Variants in SGF29 observed in about 807,000 individuals in gnomAD.
SGF29 encodes the protein SAGA-associated factor 29.
Under a neutral mutation model 38.1 loss-of-function variants are expected in SGF29, and 15 were observed. The ratio of observed to expected loss-of-function variants is 0.39; its 90% confidence interval spans 0.26 to 0.61. The LOEUF (loss-of-function observed/expected upper bound fraction) is 0.61, where lower values mean the gene tolerates loss of function less well. Among genes scored for constraint, SGF29 ranks in the 20% least tolerant of loss-of-function variants. SGF29 has a pLI of 0.49. For synonymous variants in SGF29, 151 were observed against 160.8 expected (o/e 0.94, Z 0.46); for missense variants, 184 against 394.6 (o/e 0.47, Z 4.52).
chr16:28,556,924 G>A (rs1596594136), intron 1 of SGF29, among the ~76,000 whole-genome samples: 1 of 152,038 alleles, frequency 6.6e-6, no homozygotes, highest in Non-Finnish European at 1.5e-5. Context: ...CTGGGATTAC[G>A]GTCATGAGCC....
At chr16:28,579,541 C>T (rs112047757) in intron 1 of SGF29, among the ~76,000 whole-genome samples, 48,606 of 151,096 alleles carry the variant, frequency 0.32, 8,630 homozygotes, top group Non-Finnish European at 0.38. Flanking sequence ...CAGGCATGAG[C>T]CACCACGCCC....
At chr16:28,591,526 G>C in intron 9 of SGF29, 64 bp from the exon 10 acceptor site, 1 of 1,132,264 alleles carries the variant, frequency 8.8e-7, no homozygotes, top group Admixed American at 1.7e-5. Context: ...TAGGCTGGGG[G>C]AAGGGGGTGC....
At chr16:28,576,253 G>A (rs1292907695) in intron 1 of SGF29, among the ~76,000 whole-genome samples, 1 of 152,110 alleles carries the variant, frequency 6.6e-6, no homozygotes, top group African/African-American at 2.4e-5. Context: ...GACACTGGGC[G>A]GGGAGGGTAG....
chr16:28,579,556 C>G (rs533830301), intron 1 of SGF29, among the ~76,000 whole-genome samples: 1 of 151,638 alleles, frequency 6.6e-6, no homozygotes, highest in Non-Finnish European at 1.5e-5. Context: ...ACGCCCGGCC[C>G]TAATTATCTT....
At chr16:28,565,995 C>T (rs1003880610) in intron 1 of SGF29, among the ~76,000 whole-genome samples, 17 of 150,042 alleles carry the variant, frequency 1.1e-4, no homozygotes, top group Admixed American at 6.0e-4. Context: ...TCTTGGGGGC[C>T]GGGCACGGTG....
At position 28,590,451 on chromosome 16, in the gene SGF29, C is replaced by A. The variant is rs1371085840; in HGVS notation, c.566+9C>A. The A allele has an allele frequency of 6.2e-7, 1 of 1,613,762 alleles. No individual in the cohort carries two copies. The highest frequency in any genetic ancestry group is 1.3e-5 in the African/African-American group (1 of 74,898). On this transcript the variant is annotated intron_variant, in intron 7 of 9. Coordinates refer to ENST00000317058, the MANE Select transcript of SGF29 (RefSeq NM_138414.3). This position sits in a 1 kb window ranked among gnomAD's most constrained non-coding sequence, Gnocchi z 8.2. Reference sequence around the variant, plus strand: ...AGCCATGCCACCAACAAGTGAGTGACACCAACCCTGGGGCTGCTCTCTGGT... The same window carrying A: ...AGCCATGCCACCAACAAGTGAGTGAAACCAACCCTGGGGCTGCTCTCTGGT...
intron 1 of SGF29, among the ~76,000 whole-genome samples, chr16:28,555,315 A>G (rs2046742993): frequency 6.6e-6 from 1 of 152,110 alleles, no homozygotes; most frequent in African/African-American, 2.4e-5. Context: ...AAAAAAAAAA[A>G]AAATTAAAAA....
intron 1 of SGF29, among the ~76,000 whole-genome samples, chr16:28,560,697 C>T (rs1452210784): frequency 1.3e-5 from 2 of 152,060 alleles, no homozygotes; most frequent in African/African-American, 4.8e-5. Flanking sequence ...CGCAGTGGCT[C>T]ACGCCGGTAA....
At chr16:28,573,519 AAGAGGAAC>A (rs534174403) in intron 1 of SGF29, among the ~76,000 whole-genome samples, 115 of 152,258 alleles carry the variant, frequency 7.6e-4, no homozygotes, top group Middle Eastern at 3.4e-3. Flanking sequence ...TTTTGCCGTG[AAGAGGAAC>A]AGAGGTGGGG....
chr16:28,557,945 T>C (rs1367643138), intron 1 of SGF29, among the ~76,000 whole-genome samples: 1 of 151,508 alleles, frequency 6.6e-6, no homozygotes, highest in Non-Finnish European at 1.5e-5. Flanking sequence ...GTCACCAGTA[T>C]TTTCTGTTTT....
Position 28,590,840 on chromosome 16 carries a change from C to A in SGF29, c.670C>A (p.Pro224Thr). Reference protein sequence around the residue: ...PQWKANPETDPEALFQKEQLV... With the variant: ...PQWKANPETDTEALFQKEQLV... ...GTGGAAGGCCAACCCGGAGACGGAC[C>A]CTGAGGCCTTGTTCCAGAAGGAGCA... Residue 224 changes from proline (P) to threonine (T), a missense_variant, in exon 9 of 10, where the codon CCT (proline) becomes ACT (threonine). Coordinates refer to ENST00000317058, the MANE Select transcript of SGF29 (RefSeq NM_138414.3). The surrounding 1 kb of genome is among the most constrained non-coding windows in gnomAD (Gnocchi z 8.2). 4 of 1,614,036 alleles carry A rather than the reference C, an allele frequency of 2.5e-6. No individual in the cohort carries two copies. The highest frequency in any genetic ancestry group is 3.4e-6 in the Non-Finnish European group (4 of 1,179,972).
In SGF29 at chr16:28,570,897, A is replaced by G. The variant is rs530682884; in HGVS notation, c.-15-10158A>G. On this transcript the variant is annotated intron_variant, in intron 1 of 9. Coordinates refer to ENST00000317058, the MANE Select transcript of SGF29 (RefSeq NM_138414.3). The stretch of plus-strand genomic sequence containing the variant: ...CAGCCACCCATATCTGATTTAGATG[A>G]TAGATGAGACTCTGGACTTTAGACT... 1.4e-4 allele frequency among the ~76,000 whole-genome samples: 21 copies of G among 152,142 alleles called. No homozygotes were observed. In the South Asian group the frequency reaches 3.9e-3, roughly 29 times the overall value.
In SGF29 at chr16:28,582,421, G is replaced by A. The variant is rs554652224; in HGVS notation, c.75+1277G>A. Reference sequence around the variant, plus strand: ...GATGCGTTGTCCAAACCCATAGAACGGCAGAACACACAGAGTAAACCATCA... The same window carrying A: ...GATGCGTTGTCCAAACCCATAGAACAGCAGAACACACAGAGTAAACCATCA... On this transcript the variant is annotated intron_variant, in intron 2 of 9. Coordinates refer to ENST00000317058, the MANE Select transcript of SGF29 (RefSeq NM_138414.3). Among the ~76,000 whole-genome samples, 176 of 152,228 alleles carry A rather than the reference G, an allele frequency of 1.2e-3. 1 individual carries two copies. The highest frequency in any genetic ancestry group is 4.1e-3 in the African/African-American group (170 of 41,516).
chr16:28,581,078 C>T lies in SGF29; in HGVS notation c.9C>T (p.Leu3=), dbSNP rs748428673. Residue 3 remains leucine (L), a synonymous_variant, in exon 2 of 10, where the codon CTC becomes CTT. Transcript: ENST00000317058. The stretch of plus-strand genomic sequence containing the variant: ...AGGTGCCCCTGTAGACAATGGCCCT[C>T]GTGTCTGCCGATTCCCGCATTGCAG... MA[L]VSADSRIAEL... is the part of the protein sequence containing the mutation. 4.3e-5 allele frequency: 70 copies of T among 1,613,776 alleles called. No individual in the cohort carries two copies. The South Asian group carries it at 7.1e-4, about 16-fold the overall frequency.
rs2046983951 is a variant in SGF29, at chr16:28,590,694, G to A, written c.602+28G>A. 4.3e-6 allele frequency: 7 copies of A among 1,614,122 alleles called. No individual in the cohort carries two copies. The highest frequency in any genetic ancestry group is 5.9e-6 in the Non-Finnish European group (7 of 1,179,996). ...GAGTGTCCAGGCCAGGGCAGGGCAT[G>A]GAGCCTGGGGGCAGCCTAACAGCTG... is the stretch of plus-strand genomic sequence containing the variant. On this transcript the variant is annotated intron_variant, in intron 8 of 9. Transcript: ENST00000317058. This position sits in a 1 kb window ranked among gnomAD's most constrained non-coding sequence, Gnocchi z 8.2.
chr16:28,560,852 T>C (rs1184306351), intron 1 of SGF29, among the ~76,000 whole-genome samples: 2 of 150,868 alleles, frequency 1.3e-5, no homozygotes, highest in African/African-American at 4.9e-5. Flanking sequence ...TCCCAGCTAC[T>C]TGGGAGGCTG....
intron 1 of SGF29, among the ~76,000 whole-genome samples, chr16:28,572,332 C>T (rs1370277119): frequency 6.6e-6 from 1 of 150,956 alleles, no homozygotes; most frequent in South Asian, 2.1e-4. Flanking sequence ...TGCAGTGGCA[C>T]GATCTCGGCT....
intron 1 of SGF29, among the ~76,000 whole-genome samples, chr16:28,556,747 G>T (rs187027687): frequency 6.6e-6 from 1 of 152,058 alleles, no homozygotes; most frequent in Non-Finnish European, 1.5e-5. Context: ...GGGCTCAAGT[G>T]ATCCTCCTGC....
In SGF29 at chr16:28,564,748, T is replaced by C. The variant is rs919879659; in HGVS notation, c.-16+10651T>C. On this transcript the variant is annotated intron_variant, in intron 1 of 9. Coordinates refer to ENST00000317058, the MANE Select transcript of SGF29 (RefSeq NM_138414.3). ...ATATACATATATATGTATATATGTA[T>C]ATATATGTATATATGTATATATATG... Among the ~76,000 whole-genome samples the C allele has an allele frequency of 1.0e-3, 74 of 70,890 alleles. 1 individual carries two copies. The highest frequency in any genetic ancestry group is 2.2e-3 in the African/African-American group (43 of 19,668). 46.5% of individuals were successfully genotyped at this position (70,890 alleles called of 152,430 possible). A position where few individuals can be genotyped will look rare whatever the true frequency, so the allele number is the denominator to read the frequency against.
Sources: gnomAD v4.1 joint callset for allele counts (sites outside exome capture counted in the v4.1 genomes callset) on GRCh38, gnomAD v4.1.1 for gene constraint, Gnocchi (gnomAD v3.1) non-coding constraint, MANE v1.5 for transcripts, NCBI Gene and HGNC (gene_info 2026-07-23, HGNC 2026-07-21) for gene names.